PRELID2: variants seen among roughly 807,000 people sequenced by gnomAD.
PRELID2 encodes the protein PRELI domain containing 2, also known as PRELI domain-containing protein 2.
Under a neutral mutation model 28.4 loss-of-function variants are expected in PRELID2, and 25 were observed. That is an observed-to-expected ratio of 0.88 (90% CI 0.64 to 1.23). The LOEUF is 1.23. Ranked by LOEUF, PRELID2 falls within the 50% of genes most tolerant of loss-of-function variation. The probability of loss-of-function intolerance (pLI) is 0.00; values close to 1 mark genes in which losing one functional copy is unlikely to be tolerated. For missense variants in PRELID2, 201 were observed against 214.4 expected, an observed-to-expected ratio of 0.94 and a Z score of 0.39; for synonymous variants, 76 against 71.6, an observed-to-expected ratio of 1.06 and a Z score of -0.31.
intron 5 of PRELID2, among the ~76,000 whole-genome samples, chr5:145,772,555 G>A (rs1470565470): frequency 6.6e-6 from 1 of 152,218 alleles, no homozygotes; most frequent in Non-Finnish European, 1.5e-5. Context: ...GCACCACTTG[G>A]CAAGAGGGTA....
the PRELID2 span, among the ~76,000 whole-genome samples, chr5:145,306,111 GT>G: frequency 6.6e-6 from 1 of 152,126 alleles, no homozygotes; most frequent in Non-Finnish European, 1.5e-5. Context: ...TGTACTGGAA[GT>G]GCCCACATGC....
chr5:145,601,572 G>A lies in PRELID2; in HGVS notation n.71-128257C>T, dbSNP rs547744228. 1.7e-3 allele frequency among the ~76,000 whole-genome samples: 266 copies of A among 152,282 alleles called. 1 individual carries two copies. The highest frequency in any genetic ancestry group is 2.9e-3 in the Non-Finnish European group (198 of 68,014). On this transcript the variant is annotated intron_variant and non_coding_transcript_variant, in intron 1 of 2. Transcript: ENST00000510259. ...AAACATTTAAAAATATATATTCTTA[G>A]AAGAACTTTTAAATCATATTGAAGA...
chr5:145,355,075 T>C, the PRELID2 span, among the ~76,000 whole-genome samples: 3 of 152,188 alleles, frequency 2.0e-5, no homozygotes, highest in Non-Finnish European at 4.4e-5. Context: ...TCTTGATTTA[T>C]AATAACTGGT....
the PRELID2 span, among the ~76,000 whole-genome samples, chr5:145,396,953 A>G: frequency 6.6e-6 from 1 of 152,138 alleles, no homozygotes; most frequent in African/African-American, 2.4e-5. Context: ...TTAAGGCTAC[A>G]TAAGTAAATA....
In PRELID2 at chr5:145,609,121, T is replaced by G. The variant is rs144201424; in HGVS notation, n.71-135806A>C. Among the ~76,000 whole-genome samples the G allele has an allele frequency of 4.9e-3, 754 of 152,332 alleles. 6 individuals carry two copies. The highest frequency in any genetic ancestry group is 0.017 in the African/African-American group (719 of 41,570). ...TTTCAGCTCTATCAGTTCATTTTGGTTCTTTCCTAAAATGATCATTTCATC... is the reference window on the plus strand; with the variant it reads ...TTTCAGCTCTATCAGTTCATTTTGGGTCTTTCCTAAAATGATCATTTCATC... On this transcript the variant is annotated intron_variant and non_coding_transcript_variant, in intron 1 of 2. Coordinates refer to the PRELID2 transcript ENST00000510259.
chr5:145,539,262 G>C (rs1752727648), intron 1 of PRELID2, among the ~76,000 whole-genome samples: 1 of 152,030 alleles, frequency 6.6e-6, no homozygotes, highest in South Asian at 2.1e-4. Flanking sequence ...ATATGTAGCA[G>C]AGAATCACCA....
At chr5:145,592,141 G>A (rs1432061571) in intron 1 of PRELID2, among the ~76,000 whole-genome samples, 1 of 152,160 alleles carries the variant, frequency 6.6e-6, no homozygotes, top group Non-Finnish European at 1.5e-5. Flanking sequence ...AATCAGCCAG[G>A]CACGGTGGCT....
the PRELID2 span, among the ~76,000 whole-genome samples, chr5:145,246,737 A>G: frequency 6.6e-6 from 1 of 152,108 alleles, no homozygotes; most frequent in Admixed American, 6.5e-5. Context: ...AATGATAACT[A>G]AGGAAATTAT....
intron 5 of PRELID2, among the ~76,000 whole-genome samples, chr5:145,788,640 A>C (rs12173238): frequency 1.3e-5 from 2 of 152,004 alleles, no homozygotes; most frequent in Non-Finnish European, 2.9e-5. Flanking sequence ...TCTATTCAAT[A>C]TAATACTGGG....
chr5:145,476,315 A>G (rs554542540), intron 1 of PRELID2, among the ~76,000 whole-genome samples: 1 of 152,350 alleles, frequency 6.6e-6, no homozygotes, highest in African/African-American at 2.4e-5. Flanking sequence ...AAATTATGTG[A>G]CATGCGTAAA....
chr5:145,833,551 T>A (rs1755743444), intron 1 of PRELID2, among the ~76,000 whole-genome samples: 1 of 152,214 alleles, frequency 6.6e-6, no homozygotes, highest in African/African-American at 2.4e-5. Flanking sequence ...ATTAAATACC[T>A]AGTAGGTGCT....
chr5:145,752,287 G>A (rs926525571), downstream of PRELID2, among the ~76,000 whole-genome samples: 4 of 152,166 alleles, frequency 2.6e-5, no homozygotes, highest in Admixed American at 6.5e-5. Flanking sequence ...AAAGAAACAA[G>A]TTACAATGCT....
the PRELID2 span, among the ~76,000 whole-genome samples, chr5:145,299,791 A>C: frequency 6.6e-6 from 1 of 151,956 alleles, no homozygotes; most frequent in Non-Finnish European, 1.5e-5. Context: ...ATATGGTGAT[A>C]ATTTCTTTCT....
rs929715641 is a variant in PRELID2 at position 145,618,136 on chromosome 5, C to G, written n.71-144821G>C. On this transcript the variant is annotated intron_variant and non_coding_transcript_variant, in intron 1 of 2. Transcript: ENST00000510259. ...CATTAGGCTTCACCTTTCTCTGGTGCCTTCCTGATTAGCCTAATAACCAAC... is the reference window on the plus strand; with the variant it reads ...CATTAGGCTTCACCTTTCTCTGGTGGCTTCCTGATTAGCCTAATAACCAAC... Among the ~76,000 whole-genome samples, 14 of 152,228 alleles carry G rather than the reference C, an allele frequency of 9.2e-5. No homozygotes were observed. The East Asian group carries it at 2.3e-3, about 25-fold the overall frequency.
chr5:145,511,392 C>T (rs1411439403), intron 1 of PRELID2, among the ~76,000 whole-genome samples: 1 of 152,178 alleles, frequency 6.6e-6, no homozygotes, highest in African/African-American at 2.4e-5. Context: ...ATCCTCACTA[C>T]ACAAATGGAA....
At chr5:145,512,674 C>A (rs1269443224) in intron 1 of PRELID2, among the ~76,000 whole-genome samples, 1 of 152,206 alleles carries the variant, frequency 6.6e-6, no homozygotes, top group Non-Finnish European at 1.5e-5. Context: ...TCCCTGACCC[C>A]ATGCCTCCTG....
intron 1 of PRELID2, among the ~76,000 whole-genome samples, chr5:145,562,086 A>G (rs1183084310): frequency 6.6e-6 from 1 of 152,208 alleles, no homozygotes; most frequent in Non-Finnish European, 1.5e-5. Flanking sequence ...ATTAGATCTC[A>G]TTTTTTTAAA....
chr5:145,573,550 C>T (rs1322713677), intron 1 of PRELID2, among the ~76,000 whole-genome samples: 1 of 152,062 alleles, frequency 6.6e-6, no homozygotes, highest in Non-Finnish European at 1.5e-5. Flanking sequence ...ACCCTTGTGT[C>T]CATGTGTTCT....
intron 1 of PRELID2, among the ~76,000 whole-genome samples, chr5:145,656,673 G>C (rs1174971979): frequency 1.3e-5 from 2 of 148,334 alleles, no homozygotes; most frequent in African/African-American, 5.0e-5. Flanking sequence ...AACACCGCAT[G>C]TTCTCATTCA....
Sources: gnomAD v4.1 joint callset for allele counts (sites outside exome capture counted in the v4.1 genomes callset) on GRCh38, gnomAD v4.1.1 for gene constraint, MANE v1.5 for transcripts, NCBI Gene and HGNC (gene_info 2026-07-23, HGNC 2026-07-21) for gene names.